The following DSG2 variants were observed in gnomAD, a reference collection of about 807,000 sequenced individuals.
DSG2 encodes the protein desmoglein-2.
DSG2 carries 45 observed loss-of-function variants against 75.6 expected under a neutral mutation model. The observed-to-expected ratio is 0.60, with a 90% CI of 0.47 to 0.76. DSG2 has a LOEUF of 0.76. Ranked by LOEUF, DSG2 falls within the 30% of genes least tolerant of loss-of-function variation. The pLI, the probability that DSG2 is intolerant of heterozygous loss-of-function variation, is 0.00. For missense variants in DSG2, 1,267 were observed against 1,357.4 expected (o/e 0.93, Z 1.05); for synonymous variants, 429 against 483.9 (o/e 0.89, Z 1.49).
Position 31,524,946 on chromosome 18 carries a change from A to G in DSG2, c.1014+58A>G. On this transcript the variant is annotated intron_variant, in intron 8 of 14. Coordinates refer to ENST00000261590, the MANE Select transcript of DSG2 (RefSeq NM_001943.5). ...CAAGTTGGTGCTGGAAAGGAATCTA[A>G]TATATTTTGAGCCCTGAACACTTAA... The G allele has an allele frequency of 4.6e-6, 7 of 1,522,948 alleles. No individual in the cohort carries two copies. In the South Asian group the frequency reaches 7.9e-5, roughly 17 times the overall value. The allele number at this position is 1,522,948 out of a possible 1,614,324, so 94.3% of individuals were successfully genotyped here.
At chr18:31,512,407 G>A (rs892322004) in intron 1 of DSG2, among the ~76,000 whole-genome samples, 1 of 152,152 alleles carries the variant, frequency 6.6e-6, no homozygotes, top group African/African-American at 2.4e-5. Flanking sequence ...CAACTCCCAG[G>A]GTTTAAGCTA....
rs727502987 is a variant in DSG2 at position 31,531,006 on chromosome 18, TGAA to T, written c.1038_1040del (p.Lys346del). On this transcript the variant is annotated inframe_deletion, in exon 9 of 15. Transcript: ENST00000261590. The stretch of plus-strand genomic sequence containing the variant: ...TTTCAGGAAGTAGATTATGAAGAAA[TGAA>T]GAATCTTGACTTCAGTGTTATTGTC... 5.2e-5 allele frequency: 84 copies of T among 1,613,864 alleles called. No homozygotes were observed. The highest frequency in any genetic ancestry group is 6.9e-5 in the Non-Finnish European group (82 of 1,179,982).
At chr18:31,501,382 A>G (rs1025368882) in intron 1 of DSG2, among the ~76,000 whole-genome samples, 11 of 152,214 alleles carry the variant, frequency 7.2e-5, no homozygotes, top group African/African-American at 1.7e-4. Flanking sequence ...GTGAGCAGAT[A>G]TATTTAGTAG....
chr18:31,509,583 G>A (rs146233835), intron 1 of DSG2, among the ~76,000 whole-genome samples: 72 of 152,226 alleles, frequency 4.7e-4, no homozygotes, highest in African/African-American at 1.4e-3. Context: ...CTGGTTAGCC[G>A]TAAAATAAAT....
chr18:31,536,310 A>T lies in DSG2; in HGVS notation c.1532A>T (p.Glu511Val). ...GTGCAGACAATCTGTCACGATGCAG[A>T]GTATGTGAATGTTACTGCAGAGGAC... ...EPVQTICHDA[E>V]YVNVTAEDLD... Residue 511 changes from glutamate (E) to valine (V), a missense_variant, in exon 11 of 15, where the codon GAG becomes GTG. Coordinates refer to ENST00000261590, the MANE Select transcript of DSG2 (RefSeq NM_001943.5). 2 of 1,614,220 alleles carry T rather than the reference A, an allele frequency of 1.2e-6. No individual in the cohort carries two copies. The highest frequency in any genetic ancestry group is 1.7e-6 in the Non-Finnish European group (2 of 1,180,042).
intron 11 of DSG2, among the ~76,000 whole-genome samples, chr18:31,536,716 C>A (rs1323121013): frequency 6.6e-6 from 1 of 152,150 alleles, no homozygotes; most frequent in South Asian, 2.1e-4. Context: ...GCACCACAAT[C>A]GTAGTAGTTT....
intron 1 of DSG2, among the ~76,000 whole-genome samples, chr18:31,498,929 CAT>C (rs1438537802): frequency 2.6e-5 from 4 of 152,078 alleles, no homozygotes; most frequent in African/African-American, 7.2e-5. Flanking sequence ...AGATAATAAA[CAT>C]ATGTAATAGT....
intron 1 of DSG2, among the ~76,000 whole-genome samples, chr18:31,502,259 C>T (rs1033725687): frequency 1.3e-5 from 2 of 151,988 alleles, no homozygotes; most frequent in Non-Finnish European, 2.9e-5. Flanking sequence ...AGCCCTGGGG[C>T]GGGCTCACTA....
intron 1 of DSG2, among the ~76,000 whole-genome samples, chr18:31,505,293 C>A (rs1187136100): frequency 1.3e-5 from 2 of 152,218 alleles, no homozygotes; most frequent in African/African-American, 4.8e-5. Context: ...AACAGATTAT[C>A]TTCCATTTCC....
At chr18:31,537,979 A>C (rs1398674687) in intron 11 of DSG2, among the ~76,000 whole-genome samples, 2 of 152,130 alleles carry the variant, frequency 1.3e-5, no homozygotes, top group African/African-American at 4.8e-5. Context: ...GGGCAACAGA[A>C]CGAGACTCCA....
chr18:31,546,350 T>TGAA lies in DSG2; in HGVS notation c.2965_2967dup (p.Glu989dup). 6.2e-7 allele frequency: 1 copy of TGAA among 1,613,238 alleles called. No individual in the cohort carries two copies. ...CTAATGAAGGTACAGTTGTGGTCAC[T>TGAA]GAAAGAGTAATACAGCCTCATGGGG... On this transcript the variant is annotated inframe_insertion, in exon 15 of 15. Transcript: ENST00000261590.
At position 31,498,272 on chromosome 18, in the gene DSG2, C is replaced by T; in HGVS notation, c.21C>T (p.Arg7=). The part of the protein sequence containing the change: MARSPG[R]AYALLLLLIC... ...GTGCGATGGCGCGGAGCCCGGGACG[C>T]GCGTACGCCCTGCTGCTTCTCCTGG... The change falls in exon 1 of 15, where the codon CGC becomes CGT. Residue 7 remains arginine, a synonymous_variant. Coordinates refer to ENST00000261590, the MANE Select transcript of DSG2 (RefSeq NM_001943.5). 3 of 1,263,470 alleles carry T rather than the reference C, an allele frequency of 2.4e-6. No homozygotes were observed. Among genetic ancestry groups the T allele is most frequent in the Non-Finnish European group, 2.0e-6 (2 of 1,000,022 alleles). The allele number at this position is 1,263,470 out of a possible 1,614,324, so 78.3% of individuals were successfully genotyped here. A position where few individuals can be genotyped will look rare whatever the true frequency, so the allele number is the denominator to read the frequency against.
chr18:31,501,118 C>T (rs2073011409), intron 1 of DSG2, among the ~76,000 whole-genome samples: 1 of 152,118 alleles, frequency 6.6e-6, no homozygotes, highest in South Asian at 2.1e-4. Flanking sequence ...GATACTGCTG[C>T]ATCACAAATT....
At chr18:31,527,277 G>A (rs2073168174) in intron 8 of DSG2, among the ~76,000 whole-genome samples, 1 of 152,190 alleles carries the variant, frequency 6.6e-6, no homozygotes, top group African/African-American at 2.4e-5. Flanking sequence ...ACCATATAGT[G>A]TAGGTGTATA....
chr18:31,518,421 C>A, intron 2 of DSG2, 147 bp downstream of exon 2: 2 of 697,128 alleles, frequency 2.9e-6, no homozygotes, highest in South Asian at 1.7e-5. Context: ...GGAGCTTATC[C>A]AGGGGTATTC....
chr18:31,512,229 C>G (rs1419199009), intron 1 of DSG2, among the ~76,000 whole-genome samples: 1 of 152,192 alleles, frequency 6.6e-6, no homozygotes, highest in Non-Finnish European at 1.5e-5. Flanking sequence ...CCATCCCTCT[C>G]CCCATTCTGT....
chr18:31,516,145 T>G (rs1234281178), intron 1 of DSG2, among the ~76,000 whole-genome samples: 2 of 152,192 alleles, frequency 1.3e-5, no homozygotes, highest in Non-Finnish European at 2.9e-5. Context: ...GATCTGGTTT[T>G]TTTTTTAAGA....
chr18:31,512,464 C>G (rs1175777929), intron 1 of DSG2, among the ~76,000 whole-genome samples: 1 of 152,264 alleles, frequency 6.6e-6, no homozygotes, highest in Admixed American at 6.5e-5. Context: ...TGACTACAGT[C>G]TGGTCTCTAT....
At chr18:31,507,294 A>G (rs1363489997) in intron 1 of DSG2, among the ~76,000 whole-genome samples, 1 of 152,174 alleles carries the variant, frequency 6.6e-6, no homozygotes, top group African/African-American at 2.4e-5. Flanking sequence ...TCCATGGTGT[A>G]TATGTACCAC....
Sources: allele counts gnomAD v4.1 joint callset (sites outside exome capture counted in the v4.1 genomes callset), GRCh38; gene constraint gnomAD v4.1.1; transcripts MANE v1.5; gene names NCBI Gene and HGNC (gene_info 2026-07-23, HGNC 2026-07-21).